CSMD2: variants seen among roughly 807,000 people sequenced by gnomAD.
CSMD2 encodes the protein CUB and Sushi multiple domains 2.
CSMD2 carries 130 observed loss-of-function variants against 398.5 expected under a neutral mutation model. The observed-to-expected ratio is 0.33, with a 90% CI of 0.28 to 0.38. CSMD2 has a LOEUF of 0.38. CSMD2 is among the 10% of genes least tolerant of loss of function. CSMD2 has a pLI of 1.00. For synonymous variants in CSMD2, 1,828 were observed against 1,908.5 expected (o/e 0.96, Z 1.10); for missense variants, 3,829 against 4,764.9 (o/e 0.80, Z 5.78).
At position 33,904,462 on chromosome 1, in the gene CSMD2, C is replaced by G. The variant is rs377155715; in HGVS notation, c.920+13632G>C. Among the ~76,000 whole-genome samples the G allele has an allele frequency of 1.4e-4, 22 of 152,306 alleles. No homozygotes were observed. The East Asian group carries it at 3.1e-3, about 21-fold the overall frequency. Reference sequence around the variant, plus strand: ...GCCTTAAAAAGAAATGACGGCCCATCTCCTTGTCGCTACTGTTCCATTTTC... The same window carrying G: ...GCCTTAAAAAGAAATGACGGCCCATGTCCTTGTCGCTACTGTTCCATTTTC... On this transcript the variant is annotated intron_variant, in intron 5 of 70. Transcript: ENST00000373381.
intron 44 of CSMD2, among the ~76,000 whole-genome samples, chr1:33,596,363 G>A (rs1342029543): frequency 1.3e-5 from 2 of 152,126 alleles, no homozygotes; most frequent in East Asian, 1.9e-4. Context: ...AGCTGCCCAT[G>A]CCAGGCAGCC....
intron 49 of CSMD2, 106 bp from the exon 50 acceptor site, chr1:33,572,797 A>G: frequency 1.2e-6 from 1 of 813,022 alleles, no homozygotes; most frequent in Non-Finnish European, 1.8e-6. Context: ...AGTAAAAACT[A>G]ATTAAAGGGT....
At chr1:33,783,735 G>A (rs942146670) in intron 12 of CSMD2, among the ~76,000 whole-genome samples, 2 of 152,146 alleles carry the variant, frequency 1.3e-5, no homozygotes, top group Admixed American at 1.3e-4. Context: ...AAGATGGGCC[G>A]GCCTTCTGTT....
intron 1 of CSMD2, among the ~76,000 whole-genome samples, chr1:34,126,437 T>A (rs1662746674): frequency 6.6e-6 from 1 of 152,156 alleles, no homozygotes. Flanking sequence ...GGCTCTGTGA[T>A]CCTCTAAGGC....
At chr1:33,674,493 T>C (rs942667835) in intron 25 of CSMD2, among the ~76,000 whole-genome samples, 36 of 151,982 alleles carry the variant, frequency 2.4e-4, no homozygotes, top group Non-Finnish European at 4.7e-4. Flanking sequence ...ACTTAGACTC[T>C]CACACAATAA....
chr1:34,064,156 G>A (rs552848654), intron 2 of CSMD2, among the ~76,000 whole-genome samples: 1 of 152,322 alleles, frequency 6.6e-6, no homozygotes, highest in Non-Finnish European at 1.5e-5. Context: ...TCTCTGACAT[G>A]GCCTAGAGAC....
chr1:33,790,332 T>C (rs1046366759), intron 11 of CSMD2, among the ~76,000 whole-genome samples: 1 of 152,164 alleles, frequency 6.6e-6, no homozygotes, highest in Non-Finnish European at 1.5e-5. Context: ...GTAAAGCAGA[T>C]TGCCCTCTCC....
chr1:33,727,093 G>A (rs189832462), intron 15 of CSMD2, among the ~76,000 whole-genome samples: 132 of 152,308 alleles, frequency 8.7e-4, no homozygotes, highest in African/African-American at 3.1e-3. Flanking sequence ...CAACTCAGAC[G>A]TTCAGCTCAG....
At chr1:34,076,953 A>T (rs1656448637) in intron 2 of CSMD2, among the ~76,000 whole-genome samples, 1 of 133,018 alleles carries the variant, frequency 7.5e-6, no homozygotes, top group Non-Finnish European at 1.6e-5. Flanking sequence ...ATATATATAT[A>T]TATAGAAGGC....
chr1:33,578,098 C>T (rs1638423283), intron 48 of CSMD2, among the ~76,000 whole-genome samples: 2 of 152,192 alleles, frequency 1.3e-5, no homozygotes, highest in Non-Finnish European at 2.9e-5. Context: ...CATTGTCCTT[C>T]TTTGTGCTGT....
chr1:33,800,236 T>A (rs1655431819), intron 10 of CSMD2, among the ~76,000 whole-genome samples: 1 of 152,120 alleles, frequency 6.6e-6, no homozygotes, highest in Non-Finnish European at 1.5e-5. Context: ...GAACCATGAT[T>A]CCCTCCAGGG....
chr1:33,754,684 CTGTTA>C lies in CSMD2; in HGVS notation c.1847-11083_1847-11079del, dbSNP rs67300584. On this transcript the variant is annotated intron_variant, in intron 13 of 70. Transcript: ENST00000373381. ...TTACAAGGTAAAAATACATTTCTCA[CTGTTA>C]TGTTAAAAGTTTTTAAAGGTTCCTT... is the stretch of plus-strand genomic sequence containing the variant. Among the ~76,000 whole-genome samples the C allele has an allele frequency of 9.6e-3, 1,465 of 152,248 alleles. 23 individuals carry two copies. Among genetic ancestry groups the C allele is most frequent in the African/African-American group, 0.033 (1,383 of 41,538 alleles).
At chr1:33,521,862 T>C (rs1014742039) in intron 67 of CSMD2, among the ~76,000 whole-genome samples, 6 of 152,230 alleles carry the variant, frequency 3.9e-5, no homozygotes, top group Non-Finnish European at 8.8e-5. Context: ...ATAGGGTGGC[T>C]GTAAGGATTA....
chr1:33,536,337 C>T (rs1247972820), intron 62 of CSMD2, among the ~76,000 whole-genome samples: 3 of 152,322 alleles, frequency 2.0e-5, no homozygotes, highest in Non-Finnish European at 2.9e-5. Flanking sequence ...CATTCTCCTG[C>T]CTCAGCCTCC....
At chr1:33,890,740 T>C (rs545696208) in intron 5 of CSMD2, among the ~76,000 whole-genome samples, 3,668 of 151,608 alleles carry the variant, frequency 0.024, 144 homozygotes, top group African/African-American at 0.082. Context: ...GAAATAACGC[T>C]GCATATCTAC....
At chr1:34,103,384 C>T (rs992061678) in intron 1 of CSMD2, among the ~76,000 whole-genome samples, 70 of 150,234 alleles carry the variant, frequency 4.7e-4, no homozygotes, top group African/African-American at 1.5e-3. Flanking sequence ...CTGCTATCTC[C>T]GCCTCCCGGG....
intron 53 of CSMD2, among the ~76,000 whole-genome samples, chr1:33,562,629 T>C (rs1355820790): frequency 1.3e-5 from 2 of 152,218 alleles, no homozygotes; most frequent in Non-Finnish European, 2.9e-5. Flanking sequence ...CCGTGATACC[T>C]AGACATATGG....
chr1:34,108,520 C>T (rs115341789), intron 1 of CSMD2, among the ~76,000 whole-genome samples: 9 of 152,152 alleles, frequency 5.9e-5, no homozygotes, highest in Non-Finnish European at 1.2e-4. Context: ...GTCCATGGTC[C>T]GGAACCGTAA....
At chr1:33,871,494 G>A (rs1466751372) in intron 5 of CSMD2, among the ~76,000 whole-genome samples, 2 of 152,216 alleles carry the variant, frequency 1.3e-5, no homozygotes, top group Non-Finnish European at 2.9e-5. Context: ...TTATTTGACA[G>A]TTACCAGTTA....
Sources: gnomAD v4.1 joint callset for allele counts (sites outside exome capture counted in the v4.1 genomes callset) on GRCh38, gnomAD v4.1.1 for gene constraint, MANE v1.5 for transcripts, NCBI Gene and HGNC (gene_info 2026-07-23, HGNC 2026-07-21) for gene names.